The following DST variants were observed in gnomAD, a reference collection of about 807,000 sequenced individuals.
DST encodes bullous pemphigoid antigen.
DST carries 253 observed loss-of-function variants against 875.2 expected under a neutral mutation model. That is an observed-to-expected ratio of 0.29 (90% CI 0.26 to 0.32). The LOEUF is 0.32. DST is among the 10% of genes least tolerant of loss of function. The probability of loss-of-function intolerance (pLI) is 1.00; values close to 1 mark genes in which losing one functional copy is unlikely to be tolerated. For synonymous variants in DST, 3,124 were observed against 3,197.1 expected, an observed-to-expected ratio of 0.98 and a Z score of 0.77; for missense variants, 8,287 against 9,111.6, an observed-to-expected ratio of 0.91 and a Z score of 3.68.
chr6:56,517,247 C>T lies in DST; in HGVS notation c.18308G>A (p.Gly6103Glu), dbSNP rs1293446568. 1.9e-6 allele frequency: 3 copies of T among 1,612,962 alleles called. No homozygotes were observed. The highest frequency in any genetic ancestry group is 1.7e-4 in the Middle Eastern group (1 of 6,056). Residue 6103 changes from glycine to glutamate, a missense_variant, in exon 71 of 104, where the codon GGG becomes GAG. This residue lies in a region of DST where 1,292 missense variants were observed against 1,552.7 expected (regional missense o/e 0.83). Transcript: ENST00000680361. ...KDIIDDLVKS[G>E]HKIMTACSEE... ...ACTGCATGCGGTCATGATTTTATGCCCAGATTTAACAAGGTCATCAATAAT... is the reference window on the plus strand; with the variant it reads ...ACTGCATGCGGTCATGATTTTATGCTCAGATTTAACAAGGTCATCAATAAT...
chr6:56,758,168 CAAATACACAAGGAAT>C (rs1392336606), intron 4 of DST, among the ~76,000 whole-genome samples: 1 of 152,172 alleles, frequency 6.6e-6, no homozygotes. Flanking sequence ...TAGCTAGGTG[CAAATACACAAGGAAT>C]AAATACACAT....
Position 56,608,334 on chromosome 6 carries a change from G to A in DST, c.6294C>T (p.Tyr2098=). The change falls in exon 40 of 104, where the codon TAC becomes TAT. Residue 2098 remains tyrosine, a synonymous_variant. Transcript: ENST00000680361. ...QQELITNELA[Y]KILNGRQKIA... ...TTTTTTGTCTGCCATTCAGGATTTT[G>A]TAGGCCAATTCATTTGTAATCAATT... is the stretch of plus-strand genomic sequence containing the variant. The A allele has an allele frequency of 6.2e-7, 1 of 1,612,762 alleles. No individual in the cohort carries two copies. The highest frequency in any genetic ancestry group is 8.5e-7 in the Non-Finnish European group (1 of 1,179,776).
chr6:56,581,806 T>C (rs1480794211), intron 49 of DST, among the ~76,000 whole-genome samples: 1 of 152,234 alleles, frequency 6.6e-6, no homozygotes, highest in Non-Finnish European at 1.5e-5. Context: ...TATTTCCATC[T>C]GGATGTATGC....
In DST at chr6:56,611,574, G is replaced by A. The variant is rs1199859898; in HGVS notation, c.5081C>T (p.Thr1694Ile). ...KQKISSEEIS[T>I]KKEQLSEALQ... Reference sequence around the variant, plus strand: ...TGCTTCCGATAATTGTTCCTTCTTGGTTGATATTTCCTCACTGGAAATCTG... The same window carrying A: ...TGCTTCCGATAATTGTTCCTTCTTGATTGATATTTCCTCACTGGAAATCTG... Residue 1694 changes from threonine to isoleucine, a missense_variant, in exon 38 of 104, where the codon ACC becomes ATC. Thr to Ile is a moderately conservative substitution (Grantham distance 89). Transcript: ENST00000680361. 1 of 1,612,480 alleles carries A rather than the reference G, an allele frequency of 6.2e-7. No homozygotes were observed. The highest frequency in any genetic ancestry group is 1.1e-5 in the South Asian group (1 of 90,884).
At chr6:56,556,047 A>G (rs923029755) in intron 59 of DST, among the ~76,000 whole-genome samples, 1 of 152,168 alleles carries the variant, frequency 6.6e-6, no homozygotes, top group African/African-American at 2.4e-5. Flanking sequence ...TGTCTAAACT[A>G]ATCCCATCCC....
At chr6:56,932,418 A>C (rs1240508693) in intron 2 of DST, among the ~76,000 whole-genome samples, 1 of 152,170 alleles carries the variant, frequency 6.6e-6, no homozygotes, top group Non-Finnish European at 1.5e-5. Context: ...AAGTGGACTA[A>C]TAGAGGGGCA....
chr6:56,479,017 G>A (rs544431212), intron 90 of DST, among the ~76,000 whole-genome samples: 5 of 152,024 alleles, frequency 3.3e-5, no homozygotes, highest in Non-Finnish European at 5.9e-5. Flanking sequence ...TGCAAATCAT[G>A]CCTCTGAAAA....
intron 9 of DST, among the ~76,000 whole-genome samples, chr6:56,690,479 C>T (rs1306667545): frequency 1.3e-5 from 2 of 152,092 alleles, no homozygotes; most frequent in Non-Finnish European, 2.9e-5. Context: ...ATTGCAACGA[C>T]TCAAAAGGGA....
chr6:56,462,986 G>C (rs941930656), intron 102 of DST, 60 bp downstream of exon 102: 2 of 946,164 alleles, frequency 2.1e-6, no homozygotes, highest in Non-Finnish European at 3.3e-6. Flanking sequence ...AACGATGTTA[G>C]TGAGTGATAG....
chr6:56,676,097 C>T (rs2099128289), intron 9 of DST, among the ~76,000 whole-genome samples: 2 of 152,042 alleles, frequency 1.3e-5, no homozygotes, highest in African/African-American at 4.8e-5. Context: ...GATGGAGTCT[C>T]GCTCTGTCGC....
intron 4 of DST, among the ~76,000 whole-genome samples, chr6:56,817,559 T>C (rs2099768029): frequency 6.6e-6 from 1 of 152,232 alleles, no homozygotes; most frequent in African/African-American, 2.4e-5. Flanking sequence ...TATCAAGTCA[T>C]ATTTCCTTTG....
At chr6:56,500,320 C>A (rs901103865) in intron 80 of DST, among the ~76,000 whole-genome samples, 1 of 152,062 alleles carries the variant, frequency 6.6e-6, no homozygotes, top group Admixed American at 6.6e-5. Flanking sequence ...TGTGCATAAT[C>A]TTTTATCCAT....
intron 4 of DST, among the ~76,000 whole-genome samples, chr6:56,830,175 G>T (rs569192210): frequency 6.6e-6 from 1 of 152,186 alleles, no homozygotes; most frequent in Admixed American, 6.5e-5. Flanking sequence ...AAAACTGTCA[G>T]GATACAAAAC....
In DST at chr6:56,497,957, T is replaced by C; in HGVS notation, c.19993A>G (p.Ser6665Gly). 3 of 1,613,558 alleles carry C rather than the reference T, an allele frequency of 1.9e-6. No homozygotes were observed. Among genetic ancestry groups the C allele is most frequent in the Non-Finnish European group, 2.5e-6 (3 of 1,179,614 alleles). Reference sequence around the variant, plus strand: ...ACCTCTAGCTTGTTCTGAAGGTTGCTTGCTTCTTCTCCTGCACTTGATTCA... The same window carrying C: ...ACCTCTAGCTTGTTCTGAAGGTTGCCTGCTTCTTCTCCTGCACTTGATTCA... ...LIESSAGEEA[S>G]NLQNKLEVLN... The change falls in exon 81 of 104, where the codon AGC becomes GGC. Residue 6665 changes from serine to glycine, a missense_variant. This residue lies in a region of DST where 1,292 missense variants were observed against 1,552.7 expected (regional missense o/e 0.83). Coordinates refer to ENST00000680361, the MANE Select transcript of DST (RefSeq NM_001374736.1).
At chr6:56,769,526 TA>T (rs777815766) in intron 4 of DST, among the ~76,000 whole-genome samples, 6 of 151,626 alleles carry the variant, frequency 4.0e-5, no homozygotes, top group African/African-American at 7.3e-5. Flanking sequence ...AAAAGTCTAT[TA>T]AAAAAAAATT....
At position 56,561,478 on chromosome 6, in the gene DST, C is replaced by T. The variant is rs777868479; in HGVS notation, c.14140G>A (p.Asp4714Asn). 6.2e-7 allele frequency: 1 copy of T among 1,613,820 alleles called. No individual in the cohort carries two copies. The highest frequency in any genetic ancestry group is 8.5e-7 in the Non-Finnish European group (1 of 1,179,788). ...GYEDLGLLLKDKIAELNTKLS... is the reference protein window; with the variant it reads ...GYEDLGLLLKNKIAELNTKLS... ...TTAGTGTTCAGTTCCGCTATTTTGT[C>T]CTTGAGTAAGAGGCCAAGATCTTCA... The change falls in exon 57 of 104, where the codon GAC (aspartate) becomes AAC (asparagine). Residue 4714 changes from aspartate to asparagine, a missense_variant. Asp to Asn is a conservative substitution (Grantham distance 23). Transcript: ENST00000680361.
At chr6:56,518,136 C>T (rs1401878648) in intron 69 of DST, among the ~76,000 whole-genome samples, 1 of 151,946 alleles carries the variant, frequency 6.6e-6, no homozygotes, top group East Asian at 1.9e-4. Flanking sequence ...AGAGTATACC[C>T]CTAAATGATT....
At position 56,511,200 on chromosome 6, in the gene DST, A is replaced by G. The variant is rs1325785138; in HGVS notation, c.18777T>C (p.Thr6259=). The change falls in exon 73 of 104, where the codon ACT becomes ACC. Residue 6259 remains threonine, a synonymous_variant. Coordinates refer to ENST00000680361, the MANE Select transcript of DST (RefSeq NM_001374736.1). ...VALDEAISQS[T]QFHDKIDQIL... ...TATATCTAGTGTAAACAATTACCTG[A>G]GTTGATTGAGAAATGGCTTCATCCA... The G allele has an allele frequency of 2.5e-6, 4 of 1,576,292 alleles. No homozygotes were observed. Among genetic ancestry groups the G allele is most frequent in the Non-Finnish European group, 3.5e-6 (4 of 1,159,228 alleles).
intron 95 of DST, among the ~76,000 whole-genome samples, chr6:56,470,829 A>G (rs904787798): frequency 1.6e-4 from 23 of 143,858 alleles, no homozygotes; most frequent in Non-Finnish European, 3.1e-4. Flanking sequence ...CACACAGAAA[A>G]CACCTTAAGA....
Sources: gnomAD v4.1 joint callset for allele counts (sites outside exome capture counted in the v4.1 genomes callset) on GRCh38, gnomAD v4.1.1 for gene constraint, gnomAD v4.1.1 regional missense constraint, MANE v1.5 for transcripts, NCBI Gene and HGNC (gene_info 2026-07-23, HGNC 2026-07-21) for gene names.